SPRED2: variants seen among roughly 807,000 people sequenced by gnomAD.
The protein encoded by SPRED2 is sprouty related EVH1 domain containing 2, also known as sprouty-related, EVH1 domain-containing protein 2.
A neutral mutation model predicts 43.0 loss-of-function variants in SPRED2; 47 were observed. The ratio of observed to expected loss-of-function variants is 1.09; its 90% CI spans 0.87 to 1.40. SPRED2 has a LOEUF of 1.40. SPRED2 is among the 40% of genes most tolerant of loss of function. The probability of loss-of-function intolerance (pLI) is 0.00; values close to 1 mark genes in which losing one functional copy is unlikely to be tolerated. For synonymous variants in SPRED2, 225 were observed against 225.7 expected, an observed-to-expected ratio of 1.00 and a Z score of 0.03; for missense variants, 561 against 586.4, an observed-to-expected ratio of 0.96 and a Z score of 0.45.
In SPRED2 at chr2:65,419,618, T is replaced by TG. The variant is rs1676374228; in HGVS notation, c.26+12343_26+12344insC. ...GTGTGTGTGTGTGTGTGTGTGTGTG[T>TG]TTATTAACTGTGAGCCAAGAAAAAT... is the stretch of plus-strand genomic sequence containing the variant. On this transcript the variant is annotated intron_variant, in intron 1 of 5. Coordinates refer to ENST00000356388, the MANE Select transcript of SPRED2 (RefSeq NM_181784.3). Among the ~76,000 whole-genome samples the TG allele has an allele frequency of 1.4e-5, 2 of 143,532 alleles. 1 individual carries two copies. The highest frequency in any genetic ancestry group is 3.1e-5 in the Non-Finnish European group (2 of 65,166). 94.2% of individuals were successfully genotyped at this position (143,532 alleles called of 152,430 possible). A position where few individuals can be genotyped will look rare whatever the true frequency, so the allele number is the denominator to read the frequency against.
chr2:65,399,913 A>G (rs1009296917), intron 1 of SPRED2, among the ~76,000 whole-genome samples: 6 of 152,176 alleles, frequency 3.9e-5, no homozygotes, highest in African/African-American at 1.4e-4. Flanking sequence ...AGAAAATACC[A>G]CTAAAGAACT....
chr2:65,379,618 A>G (rs1015547826), intron 1 of SPRED2, among the ~76,000 whole-genome samples: 5 of 152,112 alleles, frequency 3.3e-5, no homozygotes, highest in African/African-American at 9.7e-5. Flanking sequence ...TCCTATGACA[A>G]CCCTGAAGTG....
At chr2:65,381,639 G>A (rs1253346590) in intron 1 of SPRED2, among the ~76,000 whole-genome samples, 1 of 152,228 alleles carries the variant, frequency 6.6e-6, no homozygotes, top group Non-Finnish European at 1.5e-5. Flanking sequence ...ATGACAGACA[G>A]CAGGGTGGGC....
At chr2:65,357,838 C>T (rs185114231) in intron 1 of SPRED2, among the ~76,000 whole-genome samples, 79 of 152,250 alleles carry the variant, frequency 5.2e-4, no homozygotes, top group African/African-American at 1.9e-3. Context: ...GACCTAACCT[C>T]CATTACACAT....
intron 2 of SPRED2, among the ~76,000 whole-genome samples, chr2:65,338,472 G>GTT (rs1332827611): frequency 6.6e-6 from 1 of 151,958 alleles, no homozygotes; most frequent in East Asian, 1.9e-4. Flanking sequence ...TGGTTTTTGT[G>GTT]TTTTTTTGGT....
chr2:65,379,012 AT>A (rs1675309380), intron 1 of SPRED2, among the ~76,000 whole-genome samples: 1 of 152,098 alleles, frequency 6.6e-6, no homozygotes, highest in Non-Finnish European at 1.5e-5. Context: ...TGGCCTGATT[AT>A]CTGTCTCTCT....
chr2:65,428,065 G>A (rs1676596058), intron 1 of SPRED2, among the ~76,000 whole-genome samples: 1 of 152,158 alleles, frequency 6.6e-6, no homozygotes, highest in Non-Finnish European at 1.5e-5. Flanking sequence ...CTTGACCTTG[G>A]CTTTCTCATC....
chr2:65,389,262 A>G (rs200324698), intron 1 of SPRED2, among the ~76,000 whole-genome samples: 1 of 96,178 alleles, frequency 1.0e-5, no homozygotes, highest in Non-Finnish European at 2.2e-5. Context: ...TTTTTTTTTT[A>G]AGGGAACACC....
Position 65,353,088 on chromosome 2 carries a change from G to A in SPRED2, c.27-8192C>T, listed in dbSNP as rs1674556088. Among the ~76,000 whole-genome samples, 7 of 152,280 alleles carry A rather than the reference G, an allele frequency of 4.6e-5. No individual in the cohort carries two copies. In the South Asian group the frequency reaches 1.0e-3, roughly 23 times the overall value. Reference sequence around the variant, plus strand: ...TTTGCTTTACAATGACTGGGGATATGACCTTCATCCAGGAACCAATTAAGC... The same window carrying A: ...TTTGCTTTACAATGACTGGGGATATAACCTTCATCCAGGAACCAATTAAGC... On this transcript the variant is annotated intron_variant, in intron 1 of 5. Transcript: ENST00000356388.
At chr2:65,377,892 C>T (rs527536115) in intron 1 of SPRED2, 3 of 343,012 alleles carry the variant, frequency 8.7e-6, no homozygotes, top group South Asian at 4.5e-5. Flanking sequence ...GACTCATACT[C>T]TCTTTCCACA....
intron 1 of SPRED2, among the ~76,000 whole-genome samples, chr2:65,345,196 G>A (rs1465345450): frequency 1.3e-5 from 2 of 150,554 alleles, no homozygotes; most frequent in Non-Finnish European, 2.9e-5. Flanking sequence ...TAAATGAATT[G>A]ATTTCTGTAA....
intron 1 of SPRED2, among the ~76,000 whole-genome samples, chr2:65,352,388 C>A (rs773306240): frequency 1.1e-4 from 16 of 152,218 alleles, no homozygotes; most frequent in Non-Finnish European, 2.2e-4. Flanking sequence ...GTGAAATCAG[C>A]CAACAAATAC....
intron 1 of SPRED2, among the ~76,000 whole-genome samples, chr2:65,398,701 C>G (rs1215725831): frequency 5.3e-5 from 8 of 152,242 alleles, no homozygotes; most frequent in Non-Finnish European, 1.2e-4. Flanking sequence ...TGGCCATAAT[C>G]AAAAGATCCA....
intron 1 of SPRED2, among the ~76,000 whole-genome samples, chr2:65,430,369 G>A (rs1046266462): frequency 6.6e-6 from 1 of 152,172 alleles, no homozygotes; most frequent in African/African-American, 2.4e-5. Flanking sequence ...AGGGGTTACT[G>A]CAGTCAAAGT....
intron 1 of SPRED2, among the ~76,000 whole-genome samples, chr2:65,431,010 C>T (rs12993075): frequency 0.29 from 44,191 of 151,886 alleles, 7,595 homozygotes; most frequent in East Asian, 0.68. Context: ...ACTGAAAACG[C>T]CTCAGACCAG....
chr2:65,315,283 T>C (rs1673200723), intron 5 of SPRED2, among the ~76,000 whole-genome samples: 1 of 151,632 alleles, frequency 6.6e-6, no homozygotes, highest in Non-Finnish European at 1.5e-5. Context: ...TCAGGTTCCA[T>C]TTCTGTCGAA....
intron 1 of SPRED2, among the ~76,000 whole-genome samples, chr2:65,350,165 G>GA (rs1246953429): frequency 6.6e-6 from 1 of 152,126 alleles, no homozygotes; most frequent in Non-Finnish European, 1.5e-5. Flanking sequence ...CCTCTTTCTG[G>GA]AAAGAATTAA....
At chr2:65,337,046 T>C (rs1673986713) in intron 2 of SPRED2, among the ~76,000 whole-genome samples, 1 of 152,084 alleles carries the variant, frequency 6.6e-6, no homozygotes, top group African/African-American at 2.4e-5. Context: ...AGGCGGAGCT[T>C]GCAGTGGGCC....
intron 1 of SPRED2, among the ~76,000 whole-genome samples, chr2:65,406,110 T>C (rs1676018139): frequency 6.6e-6 from 1 of 152,180 alleles, no homozygotes; most frequent in Non-Finnish European, 1.5e-5. Context: ...TCCTGGCCTC[T>C]ATGTTGGTGA....
Sources: allele counts gnomAD v4.1 joint callset (sites outside exome capture counted in the v4.1 genomes callset), GRCh38; gene constraint gnomAD v4.1.1; transcripts MANE v1.5; gene names NCBI Gene and HGNC (gene_info 2026-07-23, HGNC 2026-07-21).